JAKMIP1: variants seen among roughly 807,000 people sequenced by gnomAD.
JAKMIP1 encodes the protein janus kinase and microtubule interacting protein 1.
A neutral mutation model predicts 113.0 loss-of-function variants in JAKMIP1; 33 were observed. That is an observed-to-expected ratio of 0.29 (90% CI 0.22 to 0.39). The LOEUF is 0.39. JAKMIP1 is among the 10% of genes least tolerant of loss of function. JAKMIP1 has a pLI of 1.00. For synonymous variants in JAKMIP1, 480 were observed against 459.9 expected (o/e 1.04, Z -0.56); for missense variants, 813 against 1,080.5 (o/e 0.75, Z 3.47).
chr4:6,128,158 G>T (rs546602101), intron 1 of JAKMIP1, among the ~76,000 whole-genome samples: 80 of 152,308 alleles, frequency 5.3e-4, no homozygotes, highest in Non-Finnish European at 9.0e-4. Context: ...GTTAGAAAAG[G>T]GCTTTAGAGC....
chr4:6,061,638 T>A lies in JAKMIP1; in HGVS notation c.1560+674A>T, dbSNP rs1380127368. On this transcript the variant is annotated intron_variant, in intron 10 of 20. Coordinates refer to ENST00000409021, the MANE Select transcript of JAKMIP1 (RefSeq NM_001099433.2). This position sits in a 1 kb window ranked among gnomAD's most constrained non-coding sequence, Gnocchi z 5.3. ...GCTCAGTTCTGAGCCTGTTTCCTCA[T>A]TCGGAAGATCGGGTTAATTCCTCCT... 2.0e-5 allele frequency among the ~76,000 whole-genome samples: 3 copies of A among 147,112 alleles called. No homozygotes were observed. Among genetic ancestry groups the A allele is most frequent in the Non-Finnish European group, 3.0e-5 (2 of 66,480 alleles).
chr4:6,070,843 A>AT (rs1409214391), intron 8 of JAKMIP1, among the ~76,000 whole-genome samples: 4 of 152,154 alleles, frequency 2.6e-5, no homozygotes, highest in Admixed American at 6.5e-5. Flanking sequence ...AGAAAAACTG[A>AT]TTTTTTTAAC....
Position 6,158,790 on chromosome 4 carries a change from AT to A in JAKMIP1, c.-148+41462del, listed in dbSNP as rs1722560901. On this transcript the variant is annotated intron_variant, in intron 1 of 20. Coordinates refer to ENST00000409021, the MANE Select transcript of JAKMIP1 (RefSeq NM_001099433.2). The surrounding 1 kb of genome is among the most constrained non-coding windows in gnomAD (Gnocchi z 5.3). ...AACAGATCCAAGGATGTACACAGGA[AT>A]TTAAAACACATACTGGGCCGGGCGT... 6.6e-6 allele frequency among the ~76,000 whole-genome samples: 1 copy of A among 152,186 alleles called. No individual in the cohort carries two copies. The highest frequency in any genetic ancestry group is 2.1e-4 in the South Asian group (1 of 4,828).
At position 6,042,426 on chromosome 4, in the gene JAKMIP1, G is replaced by A. The variant is rs1714451160; in HGVS notation, c.2029-199C>T. Among the ~76,000 whole-genome samples, 1 of 152,110 alleles carries A rather than the reference G, an allele frequency of 6.6e-6. No homozygotes were observed. Among genetic ancestry groups the A allele is most frequent in the Non-Finnish European group, 1.5e-5 (1 of 68,022 alleles). ...CATGGTCCAGCCTGCATGTGCAGGA[G>A]GTCTTAGGTGTGAGTGTGACATGTA... On this transcript the variant is annotated intron_variant, in intron 16 of 20. Coordinates refer to ENST00000409021, the MANE Select transcript of JAKMIP1 (RefSeq NM_001099433.2). The surrounding 1 kb of genome is among the most constrained non-coding windows in gnomAD (Gnocchi z 5.2).
intron 1 of JAKMIP1, among the ~76,000 whole-genome samples, chr4:6,173,100 G>A (rs1198130842): frequency 6.6e-6 from 1 of 152,200 alleles, no homozygotes; most frequent in African/African-American, 2.4e-5. Flanking sequence ...GCCTATCTGT[G>A]TGGGTTCCTG....
In JAKMIP1 at chr4:6,153,999, G is replaced by A. The variant is rs142611578; in HGVS notation, c.-147-41002C>T. Among the ~76,000 whole-genome samples, 42 of 152,230 alleles carry A rather than the reference G, an allele frequency of 2.8e-4. No individual in the cohort carries two copies. The East Asian group carries it at 5.4e-3, about 20-fold the overall frequency. On this transcript the variant is annotated intron_variant, in intron 1 of 20. Transcript: ENST00000409021. The surrounding 1 kb of genome is among the most constrained non-coding windows in gnomAD (Gnocchi z 4.9). ...CAGAGTCTGCCCAGGTCTTGTATGC[G>A]GCAGATGTTTACTAAATACTGGCTG...
At chr4:6,095,951 G>C (rs1440008495) in intron 3 of JAKMIP1, among the ~76,000 whole-genome samples, 2 of 152,222 alleles carry the variant, frequency 1.3e-5, no homozygotes, top group African/African-American at 4.8e-5. Flanking sequence ...GCTGTGGCAA[G>C]GATGGGAAAA....
intron 8 of JAKMIP1, among the ~76,000 whole-genome samples, chr4:6,066,757 G>C (rs1311623406): frequency 6.6e-6 from 1 of 151,938 alleles, no homozygotes; most frequent in African/African-American, 2.4e-5. Flanking sequence ...CCTTCATCTT[G>C]GTCCCAGCCA....
intron 1 of JAKMIP1, among the ~76,000 whole-genome samples, chr4:6,122,350 G>A (rs922883674): frequency 1.3e-5 from 2 of 151,998 alleles, no homozygotes; most frequent in African/African-American, 2.4e-5. Context: ...ATAAAATAGC[G>A]TAGACAAATA....
At chr4:6,152,249 G>A (rs941353155) in intron 1 of JAKMIP1, among the ~76,000 whole-genome samples, 7 of 152,144 alleles carry the variant, frequency 4.6e-5, no homozygotes, top group African/African-American at 1.7e-4. Context: ...GTAAAAAGGT[G>A]AAATTTCTTC....
rs774005732 is a variant in JAKMIP1, at chr4:6,081,517, C to T, written c.1101+92G>A. 4 of 1,466,218 alleles carry T rather than the reference C, an allele frequency of 2.7e-6. No homozygotes were observed. In the South Asian group the frequency reaches 3.8e-5, roughly 14 times the overall value. The allele number at this position is 1,466,218 out of a possible 1,614,324, so 90.8% of individuals were successfully genotyped here. On this transcript the variant is annotated intron_variant, in intron 6 of 20. Coordinates refer to ENST00000409021, the MANE Select transcript of JAKMIP1 (RefSeq NM_001099433.2). The surrounding 1 kb of genome is among the most constrained non-coding windows in gnomAD (Gnocchi z 4.6). ...TGTGGGGAGGTGGGCAGCAGGTGCG[C>T]CCCAGAACATGTGAATCGGGAGGTT...
In JAKMIP1 at chr4:6,050,018, G is replaced by A; in HGVS notation, c.1909-146C>T. 3 of 631,128 alleles carry A rather than the reference G, an allele frequency of 4.8e-6. No individual in the cohort carries two copies. The South Asian group carries it at 5.7e-5, about 12-fold the overall frequency. The allele number at this position is 631,128 out of a possible 1,614,324, so 39.1% of individuals were successfully genotyped here. On this transcript the variant is annotated intron_variant, in intron 14 of 20. Coordinates refer to ENST00000409021, the MANE Select transcript of JAKMIP1 (RefSeq NM_001099433.2). The surrounding 1 kb of genome is among the most constrained non-coding windows in gnomAD (Gnocchi z 7.4). The stretch of plus-strand genomic sequence containing the variant: ...AGTTTTGCGCCCAGCCGTTCCTCTG[G>A]GGAGTGAGGGAGAGAAGGCATAACT...
In JAKMIP1 at chr4:6,069,947, C is replaced by A; in HGVS notation, c.1303-4939G>T. ...CTCTCTCAGCCACCTGTCTTCTCACCTTCCTATCATTTTCAACAGAGCCAC... is the reference window on the plus strand; with the variant it reads ...CTCTCTCAGCCACCTGTCTTCTCACATTCCTATCATTTTCAACAGAGCCAC... On this transcript the variant is annotated intron_variant, in intron 8 of 20. Transcript: ENST00000409021. This position sits in a 1 kb window ranked among gnomAD's most constrained non-coding sequence, Gnocchi z 4.5. 1 of 396,010 alleles carries A rather than the reference C, an allele frequency of 2.5e-6. No individual in the cohort carries two copies. Among genetic ancestry groups the A allele is most frequent in the Non-Finnish European group, 4.4e-6 (1 of 224,810 alleles). The allele number at this position is 396,010 out of a possible 1,614,324, so 24.5% of individuals were successfully genotyped here.
At chr4:6,131,252 AGAAGAAATT>A (rs1284761546) in intron 1 of JAKMIP1, among the ~76,000 whole-genome samples, 1 of 151,612 alleles carries the variant, frequency 6.6e-6, no homozygotes, top group East Asian at 1.9e-4. Context: ...GAGAAAGAGA[AGAAGAAATT>A]GAAGAAATAT....
chr4:6,103,501 G>T (rs1318747636), intron 3 of JAKMIP1, among the ~76,000 whole-genome samples: 1 of 152,166 alleles, frequency 6.6e-6, no homozygotes. Flanking sequence ...TGGAATCAGA[G>T]TTACACTGGC....
rs1714764058 is a variant in JAKMIP1, at chr4:6,044,697, AGT to A, written c.2029-2472_2029-2471del. Among the ~76,000 whole-genome samples, 2 of 152,094 alleles carry A rather than the reference AGT, an allele frequency of 1.3e-5. No individual in the cohort carries two copies. The highest frequency in any genetic ancestry group is 4.1e-4 in the South Asian group (2 of 4,828). On this transcript the variant is annotated intron_variant, in intron 16 of 20. Transcript: ENST00000409021. The surrounding 1 kb of genome is among the most constrained non-coding windows in gnomAD (Gnocchi z 4.4). ...TCTCAGAACGGTTTCTGCAGAACAC[AGT>A]GTTGAGATTTGTTGCTGCTGTCGTT...
rs1711915450 is a variant in JAKMIP1 at position 6,097,089 on chromosome 4, T to C, written c.624+8384A>G. Among the ~76,000 whole-genome samples, 1 of 152,156 alleles carries C rather than the reference T, an allele frequency of 6.6e-6. No individual in the cohort carries two copies. Among genetic ancestry groups the C allele is most frequent in the Admixed American group, 6.5e-5 (1 of 15,280 alleles). ...TGATCGTAGGTCACAGTAGCCTCAA[T>C]CTGCTGGCTTCAAGCAATCCTCCCA... On this transcript the variant is annotated intron_variant, in intron 3 of 20. Coordinates refer to ENST00000409021, the MANE Select transcript of JAKMIP1 (RefSeq NM_001099433.2). The surrounding 1 kb of genome is among the most constrained non-coding windows in gnomAD (Gnocchi z 4.3).
intron 1 of JAKMIP1, among the ~76,000 whole-genome samples, chr4:6,128,115 G>C (rs1000752003): frequency 6.6e-6 from 1 of 152,198 alleles, no homozygotes; most frequent in African/African-American, 2.4e-5. Context: ...GAAGATGCTG[G>C]GGCCCGAGAC....
At chr4:6,113,175 G>A (rs992896696) in intron 1 of JAKMIP1, among the ~76,000 whole-genome samples, 178 bp from the exon 2 acceptor site, 2 of 152,198 alleles carry the variant, frequency 1.3e-5, no homozygotes, top group African/African-American at 2.4e-5. Context: ...TTGTTAAGGC[G>A]TGGAGTCCTG....
Sources: allele counts gnomAD v4.1 joint callset (sites outside exome capture counted in the v4.1 genomes callset), GRCh38; gene constraint gnomAD v4.1.1; non-coding constraint Gnocchi (gnomAD v3.1); transcripts MANE v1.5; gene names NCBI Gene and HGNC (gene_info 2026-07-23, HGNC 2026-07-21).